Variants in DEPDC4 observed in about 807,000 individuals in gnomAD.
DEPDC4 encodes the protein DEP domain-containing protein 4.
Under a neutral mutation model 52.0 loss-of-function variants are expected in DEPDC4, and 52 were observed. That is an observed-to-expected ratio of 1.00 (90% CI 0.80 to 1.26). The LOEUF is 1.26. Among genes scored for constraint, DEPDC4 ranks in the 50% most tolerant of loss-of-function variants. The pLI, the probability that DEPDC4 is intolerant of heterozygous loss-of-function variation, is 0.00. For missense variants in DEPDC4, 530 were observed against 546.9 expected (o/e 0.97, Z 0.31); for synonymous variants, 201 against 196.8 (o/e 1.02, Z -0.18).
chr12:100,267,857 T>G (rs1466476359), upstream of DEPDC4: 1 of 152,686 alleles, frequency 6.5e-6, no homozygotes, highest in African/African-American at 2.4e-5. Context: ...GCCAGGGCCC[T>G]GCCGCCCGCC....
At chr12:100,238,348 C>A (rs1010525911), downstream of DEPDC4, among the ~76,000 whole-genome samples, 6 of 151,696 alleles carry the variant, frequency 4.0e-5, no homozygotes, top group Admixed American at 3.9e-4. Flanking sequence ...TTAGTAGAGA[C>A]GGGGTTTCAC....
chr12:100,252,356 CA>C (rs66721214), intron 6 of DEPDC4, 37 bp downstream of exon 6: 474,677 of 1,497,500 alleles, frequency 0.32, 81,841 homozygotes, highest in African/African-American at 0.68. Flanking sequence ...AAAAAAATAG[CA>C]AAAAAAAATG....
chr12:100,281,750 C>T, the DEPDC4 span, among the ~76,000 whole-genome samples: 1 of 150,414 alleles, frequency 6.6e-6, no homozygotes. Context: ...AGGAGAATGG[C>T]GTGAACCCGG....
chr12:100,244,302 C>T (rs564748440), intron 8 of DEPDC4, among the ~76,000 whole-genome samples: 3 of 149,758 alleles, frequency 2.0e-5, no homozygotes, highest in Admixed American at 2.0e-4. Flanking sequence ...TGCCTCAGCC[C>T]CCCGAGTGGC....
chr12:100,253,407 T>C (rs1335516015), intron 5 of DEPDC4, 82 bp downstream of exon 5: 1 of 491,888 alleles, frequency 2.0e-6, no homozygotes, highest in Non-Finnish European at 3.3e-6. Context: ...ACTCATATAG[T>C]ATACACAATT....
chr12:100,279,804 CTGATAGCTCTCTAGT>C, the DEPDC4 span, among the ~76,000 whole-genome samples: 2 of 152,214 alleles, frequency 1.3e-5, no homozygotes, highest in Non-Finnish European at 2.9e-5. Context: ...AACTATTCAA[CTGATAGCTCTCTAGT>C]TTGGTTCTTG....
intron 8 of DEPDC4, among the ~76,000 whole-genome samples, chr12:100,244,945 C>T (rs1358775153): frequency 6.6e-6 from 1 of 151,792 alleles, no homozygotes; most frequent in Non-Finnish European, 1.5e-5. Flanking sequence ...AATCTCAGCT[C>T]ACCACAACCT....
At chr12:100,278,879 C>T in the DEPDC4 span, among the ~76,000 whole-genome samples, 1 of 152,172 alleles carries the variant, frequency 6.6e-6, no homozygotes, top group Non-Finnish European at 1.5e-5. Flanking sequence ...CTGCCTACCT[C>T]AGCCTCCCAA....
chr12:100,279,287 G>A, the DEPDC4 span, among the ~76,000 whole-genome samples: 1 of 152,190 alleles, frequency 6.6e-6, no homozygotes, highest in African/African-American at 2.4e-5. Flanking sequence ...TAGGGTTCAG[G>A]CTCCTTTGAG....
chr12:100,253,396 T>G, intron 5 of DEPDC4, 93 bp downstream of exon 5: 1 of 435,924 alleles, frequency 2.3e-6, no homozygotes, highest in Non-Finnish European at 3.9e-6. Context: ...TAAAATGTAA[T>G]ACTCATATAG....
At chr12:100,259,959 T>TA (rs67950130) in intron 3 of DEPDC4, among the ~76,000 whole-genome samples, 22,674 of 151,158 alleles carry the variant, frequency 0.15, 2,120 homozygotes, top group Non-Finnish European at 0.21. Context: ...TTTTTTTTTT[T>TA]AATGTGATCC....
chr12:100,280,931 A>C, the DEPDC4 span, among the ~76,000 whole-genome samples: 1 of 151,428 alleles, frequency 6.6e-6, no homozygotes, highest in Non-Finnish European at 1.5e-5. Context: ...TAATGACACT[A>C]GTCATTAATA....
At chr12:100,271,879 G>C (rs2096288037), upstream of DEPDC4, among the ~76,000 whole-genome samples, 1 of 152,168 alleles carries the variant, frequency 6.6e-6, no homozygotes. Context: ...TCTTTGTTAA[G>C]CATAAATATA....
intron 7 of DEPDC4, among the ~76,000 whole-genome samples, chr12:100,250,336 C>A (rs2096202593): frequency 6.6e-6 from 1 of 152,204 alleles, no homozygotes; most frequent in African/African-American, 2.4e-5. Context: ...CTGCCTCTGC[C>A]TCCCAAGTAG....
chr12:100,243,836 G>A (rs1266299122), intron 8 of DEPDC4, among the ~76,000 whole-genome samples: 2 of 151,798 alleles, frequency 1.3e-5, no homozygotes, highest in Non-Finnish European at 2.9e-5. Flanking sequence ...TGCCTCTCAA[G>A]TGATTAAGAT....
chr12:100,277,491 A>G, the DEPDC4 span, among the ~76,000 whole-genome samples: 1 of 152,316 alleles, frequency 6.6e-6, no homozygotes, highest in Admixed American at 6.5e-5. Flanking sequence ...TGAATTGACA[A>G]CTTTGTCATT....
intron 2 of DEPDC4, among the ~76,000 whole-genome samples, chr12:100,263,097 G>C (rs973320856): frequency 2.0e-5 from 3 of 152,130 alleles, no homozygotes; most frequent in Non-Finnish European, 4.4e-5. Flanking sequence ...GAGTAGCTAG[G>C]AATACAGGCA....
At chr12:100,272,577 A>G in the DEPDC4 span, among the ~76,000 whole-genome samples, 7 of 152,286 alleles carry the variant, frequency 4.6e-5, no homozygotes, top group South Asian at 2.1e-4. Flanking sequence ...CCTATTAGAT[A>G]TCTCCATCTG....
chr12:100,253,212 C>G (rs1356876520), intron 5 of DEPDC4, among the ~76,000 whole-genome samples: 1 of 152,198 alleles, frequency 6.6e-6, no homozygotes, highest in Admixed American at 6.5e-5. Context: ...GCCATCGCTC[C>G]TGGCTATATC....
Sources: gnomAD v4.1 joint callset for allele counts (sites outside exome capture counted in the v4.1 genomes callset) on GRCh38, gnomAD v4.1.1 for gene constraint, MANE v1.5 for transcripts, NCBI Gene and HGNC (gene_info 2026-07-23, HGNC 2026-07-21) for gene names.